The following MGAT5 variants were observed in gnomAD, a reference collection of about 807,000 sequenced individuals.
The protein encoded by MGAT5 is alpha-1,6-mannosylglycoprotein 6-beta-N-acetylglucosaminyltransferase A.
Under a neutral mutation model 94.3 loss-of-function variants are expected in MGAT5, and 30 were observed. The observed-to-expected ratio is 0.32, with a 90% CI of 0.24 to 0.43. The LOEUF is 0.43. Among genes scored for constraint, MGAT5 ranks in the 20% least tolerant of loss-of-function variants. MGAT5 has a pLI of 1.00. For synonymous variants in MGAT5, 310 were observed against 322.9 expected (o/e 0.96, Z 0.43); for missense variants, 691 against 905.5 (o/e 0.76, Z 3.04).
chr2:134,186,748 A>G (rs555351606), intron 1 of MGAT5, among the ~76,000 whole-genome samples: 1 of 152,312 alleles, frequency 6.6e-6, no homozygotes, highest in South Asian at 2.1e-4. Context: ...TGGCATCATC[A>G]AAGTCATTCA....
chr2:134,178,370 C>A (rs1688577668), intron 1 of MGAT5, among the ~76,000 whole-genome samples: 1 of 152,148 alleles, frequency 6.6e-6, no homozygotes, highest in Non-Finnish European at 1.5e-5. Flanking sequence ...ACCCCCAGGA[C>A]TGTGGAGGCA....
At chr2:134,290,713 T>C (rs1450315301) in intron 2 of MGAT5, among the ~76,000 whole-genome samples, 1 of 152,218 alleles carries the variant, frequency 6.6e-6, no homozygotes, top group Non-Finnish European at 1.5e-5. Context: ...ATCCTGTGGC[T>C]TTATCTCTAT....
intron 1 of MGAT5, among the ~76,000 whole-genome samples, chr2:134,207,082 CT>C (rs1470630414): frequency 2.6e-5 from 4 of 152,194 alleles, no homozygotes; most frequent in Non-Finnish European, 5.9e-5. Flanking sequence ...CTCTTAGAAT[CT>C]GTTTTCTTGA....
chr2:134,214,568 C>A (rs1351395596), intron 1 of MGAT5, among the ~76,000 whole-genome samples: 1 of 151,914 alleles, frequency 6.6e-6, no homozygotes, highest in East Asian at 2.0e-4. Flanking sequence ...GTTGGACAAG[C>A]TAGCTATAGA....
intron 10 of MGAT5, among the ~76,000 whole-genome samples, chr2:134,364,364 G>A (rs914228644): frequency 1.3e-5 from 2 of 152,148 alleles, no homozygotes; most frequent in Non-Finnish European, 2.9e-5. Context: ...GCTAGGCGTG[G>A]TGGCAGGTGA....
intron 1 of MGAT5, among the ~76,000 whole-genome samples, chr2:134,261,731 G>A (rs1683352352): frequency 6.6e-6 from 1 of 152,192 alleles, no homozygotes; most frequent in African/African-American, 2.4e-5. Context: ...GAAAGAGGAG[G>A]GACTTTGGTC....
At chr2:134,286,709 C>A (rs761096202) in intron 2 of MGAT5, among the ~76,000 whole-genome samples, 1 of 152,158 alleles carries the variant, frequency 6.6e-6, no homozygotes, top group African/African-American at 2.4e-5. Context: ...TGAGCCACCG[C>A]GCCCAACTGA....
rs528764491 is a variant in MGAT5, at chr2:134,200,846, C to T, written c.-142-53416C>T. On this transcript the variant is annotated intron_variant, in intron 1 of 16. Coordinates refer to the MGAT5 transcript ENST00000409645. ...CCACCCTGGGCAACATGGTGACACT[C>T]CGTCTCTACAAAAATAAAAATAAAA... 2.0e-5 allele frequency among the ~76,000 whole-genome samples: 3 copies of T among 152,160 alleles called. No individual in the cohort carries two copies. In the South Asian group the frequency reaches 6.2e-4, roughly 32 times the overall value.
At chr2:134,343,421 G>A (rs530624519) in intron 7 of MGAT5, among the ~76,000 whole-genome samples, 13 of 152,282 alleles carry the variant, frequency 8.5e-5, no homozygotes, top group African/African-American at 3.1e-4. Flanking sequence ...GTTAAGTGAG[G>A]ACTTAATTCT....
At chr2:134,395,892 T>C (rs1682679340) in intron 10 of MGAT5, among the ~76,000 whole-genome samples, 1 of 152,220 alleles carries the variant, frequency 6.6e-6, no homozygotes, top group Non-Finnish European at 1.5e-5. Flanking sequence ...TTGAGACCCA[T>C]TGCCCAAGAT....
In MGAT5 at chr2:134,453,820, A is replaced by G. The variant is rs1686220937; in HGVS notation, c.*4973A>G. ...TCATGACTGAATGTTTTCCCAAATC[A>G]CCTAAATATCGGTTTGCTTTTTGTT... On this transcript the variant is annotated 3_prime_UTR_variant, in exon 16 of 16. Transcript: ENST00000281923. 6.6e-6 allele frequency: 1 copy of G among 152,126 alleles called. No individual in the cohort carries two copies. Among genetic ancestry groups the G allele is most frequent in the South Asian group, 2.1e-4 (1 of 4,826 alleles). 9.4% of individuals were successfully genotyped at this position (152,126 alleles called of 1,614,324 possible). A position where few individuals can be genotyped will look rare whatever the true frequency, so the allele number is the denominator to read the frequency against.
At chr2:134,358,627 T>C (rs907064605) in intron 9 of MGAT5, among the ~76,000 whole-genome samples, 6 of 152,262 alleles carry the variant, frequency 3.9e-5, no homozygotes, top group African/African-American at 1.4e-4. Flanking sequence ...GACCAGGAGA[T>C]GTGAAGATAC....
chr2:134,441,145 C>T (rs913293906), intron 14 of MGAT5, among the ~76,000 whole-genome samples: 1 of 152,220 alleles, frequency 6.6e-6, no homozygotes, highest in Non-Finnish European at 1.5e-5. Flanking sequence ...TGCTTGTTTT[C>T]AACCAACCAG....
intron 9 of MGAT5, among the ~76,000 whole-genome samples, chr2:134,358,928 G>C (rs1679916951): frequency 6.6e-6 from 1 of 152,160 alleles, no homozygotes; most frequent in Non-Finnish European, 1.5e-5. Context: ...TTCAAGCTAA[G>C]CTAATAGTAT....
chr2:134,358,982 C>T (rs1045683183), intron 9 of MGAT5, among the ~76,000 whole-genome samples: 4 of 152,198 alleles, frequency 2.6e-5, no homozygotes, highest in Non-Finnish European at 5.9e-5. Flanking sequence ...GGGACCACAT[C>T]AAGCTGATTT....
At chr2:134,257,402 A>C (rs2105533279) in intron 1 of MGAT5, among the ~76,000 whole-genome samples, 1 of 152,182 alleles carries the variant, frequency 6.6e-6, no homozygotes, top group East Asian at 1.9e-4. Flanking sequence ...TTGTGTTTTT[A>C]GTAGATACGG....
At chr2:134,281,102 C>T (rs1223451208) in intron 2 of MGAT5, among the ~76,000 whole-genome samples, 1 of 152,184 alleles carries the variant, frequency 6.6e-6, no homozygotes, top group Admixed American at 6.6e-5. Flanking sequence ...TTATACTTAA[C>T]CATTGCTGAC....
chr2:134,261,249 A>G (rs139150901), intron 1 of MGAT5, among the ~76,000 whole-genome samples: 2 of 152,198 alleles, frequency 1.3e-5, no homozygotes, highest in African/African-American at 4.8e-5. Context: ...TGCCATGTTC[A>G]AACGATGAGG....
At chr2:134,405,998 A>T (rs149975268) in intron 11 of MGAT5, among the ~76,000 whole-genome samples, 182 of 152,350 alleles carry the variant, frequency 1.2e-3, no homozygotes, top group African/African-American at 4.3e-3. Context: ...TGGATGAATG[A>T]ATTATTTATC....
Sources: gnomAD v4.1 joint callset for allele counts (sites outside exome capture counted in the v4.1 genomes callset) on GRCh38, gnomAD v4.1.1 for gene constraint, MANE v1.5 for transcripts, NCBI Gene and HGNC (gene_info 2026-07-23, HGNC 2026-07-21) for gene names.